The following PPP2R3C variants were observed in gnomAD, a reference collection of about 807,000 sequenced individuals.
PPP2R3C encodes the protein serine/threonine-protein phosphatase 2A regulatory subunit B'' subunit gamma.
A neutral mutation model predicts 63.7 loss-of-function variants in PPP2R3C; 47 were observed. The ratio of observed to expected loss-of-function variants is 0.74; its 90% confidence interval spans 0.58 to 0.94. The LOEUF is 0.94. PPP2R3C is among the 40% of genes least tolerant of loss of function. The pLI is 0.00. For synonymous variants in PPP2R3C, 180 were observed against 177.4 expected (o/e 1.01, Z -0.12); for missense variants, 421 against 518.4 (o/e 0.81, Z 1.82).
intron 6 of PPP2R3C, among the ~76,000 whole-genome samples, chr14:35,106,689 C>T (rs796534549): frequency 2.8e-5 from 3 of 106,872 alleles, no homozygotes; most frequent in African/African-American, 1.1e-4. Flanking sequence ...TTTTTTGAGA[C>T]GGAGTTTCAC....
chr14:35,117,142 A>C (rs1566428530), intron 1 of PPP2R3C: 1 of 455,904 alleles, frequency 2.2e-6, no homozygotes. Context: ...CCCTGACCTC[A>C]TGGAGTTTCA....
chr14:35,101,894 T>G (rs2046203352), intron 6 of PPP2R3C: 1 of 152,160 alleles, frequency 6.6e-6, no homozygotes. Flanking sequence ...TACTTTAACA[T>G]GGGCTTTGCC....
chr14:35,107,380 A>G lies in PPP2R3C; in HGVS notation c.503-6T>C, dbSNP rs781508305. On this transcript the variant is annotated splice_polypyrimidine_tract_variant and splice_region_variant and intron_variant, in intron 5 of 12. Transcript: ENST00000261475. ...TCTTGTTTGATGAAGCCAAACTGAC[A>G]ATAAACAAGAAAATGAAAGTAATTC... is the stretch of plus-strand genomic sequence containing the variant. The G allele has an allele frequency of 2.5e-6, 4 of 1,591,550 alleles. No individual in the cohort carries two copies. The highest frequency in any genetic ancestry group is 1.7e-4 in the Middle Eastern group (1 of 6,024).
At chr14:35,111,235 C>CAAAAAAAAAAA in intron 2 of PPP2R3C, among the ~76,000 whole-genome samples, 1 of 89,792 alleles carries the variant, frequency 1.1e-5, no homozygotes, top group Non-Finnish European at 2.2e-5. Flanking sequence ...CTCCATCTAC[C>CAAAAAAAAAAA]AAAAAAAAAA....
At chr14:35,105,150 AT>A (rs2046309173) in intron 6 of PPP2R3C, among the ~76,000 whole-genome samples, 1 of 151,832 alleles carries the variant, frequency 6.6e-6, no homozygotes, top group African/African-American at 2.4e-5. Flanking sequence ...TGATTTTTAA[AT>A]GTTAAAATGC....
At chr14:35,120,655 A>C (rs117106187) in intron 1 of PPP2R3C, among the ~76,000 whole-genome samples, 1 of 152,110 alleles carries the variant, frequency 6.6e-6, no homozygotes, top group East Asian at 1.9e-4. Context: ...GAATAGTGTA[A>C]AAGAGTGTTG....
intron 7 of PPP2R3C, 43 bp downstream of exon 7, chr14:35,099,209 T>C (rs1342046949): frequency 1.0e-5 from 15 of 1,480,464 alleles, no homozygotes; most frequent in South Asian, 5.5e-5. Flanking sequence ...TTAGATATAA[T>C]AATATCCTCA....
intron 6 of PPP2R3C, chr14:35,101,751 TTATC>T (rs985845421): frequency 6.6e-5 from 10 of 152,190 alleles, no homozygotes; most frequent in Non-Finnish European, 1.2e-4. Flanking sequence ...TTTTTATACA[TTATC>T]TATATCTTTG....
intron 1 of PPP2R3C, among the ~76,000 whole-genome samples, chr14:35,118,650 TTCC>T (rs1372119230): frequency 8.3e-6 from 1 of 120,688 alleles, no homozygotes; most frequent in Non-Finnish European, 1.7e-5. Flanking sequence ...TACAGGTACC[TTCC>T]TTTTTTTTTT....
At chr14:35,104,729 C>A (rs1202259000) in intron 6 of PPP2R3C, among the ~76,000 whole-genome samples, 2 of 152,068 alleles carry the variant, frequency 1.3e-5, no homozygotes, top group Non-Finnish European at 2.9e-5. Flanking sequence ...CATTCATTTT[C>A]TCTCTCATAT....
chr14:35,101,450 A>G (rs1258004031), intron 6 of PPP2R3C: 1 of 152,232 alleles, frequency 6.6e-6, no homozygotes, highest in Non-Finnish European at 1.5e-5. Context: ...AGAATGAAAT[A>G]AAAATATCTT....
chr14:35,091,329 A>G, intron 10 of PPP2R3C, 122 bp from the exon 11 acceptor site: 1 of 951,006 alleles, frequency 1.1e-6, no homozygotes, highest in Non-Finnish European at 1.5e-6. Flanking sequence ...TCCCTAAGTT[A>G]TGATATGAGA....
chr14:35,112,478 G>A (rs897082597), intron 2 of PPP2R3C, among the ~76,000 whole-genome samples: 3 of 152,060 alleles, frequency 2.0e-5, no homozygotes, highest in African/African-American at 7.2e-5. Context: ...TAAACCTTAC[G>A]TCAAAACTTG....
intron 11 of PPP2R3C, among the ~76,000 whole-genome samples, chr14:35,089,806 T>C (rs559062560): frequency 9.4e-4 from 142 of 151,362 alleles, no homozygotes; most frequent in Admixed American, 1.4e-3. Flanking sequence ...GCTGGGACTA[T>C]AGGCGCCCGC....
chr14:35,093,869 T>C (rs993248218), intron 10 of PPP2R3C, among the ~76,000 whole-genome samples: 1 of 152,122 alleles, frequency 6.6e-6, no homozygotes, highest in East Asian at 1.9e-4. Flanking sequence ...GCCAGGATGG[T>C]CTCCATCTCC....
intron 6 of PPP2R3C, 119 bp from the exon 7 acceptor site, chr14:35,099,503 CTATT>C: frequency 8.3e-7 from 1 of 1,209,080 alleles, no homozygotes; most frequent in Non-Finnish European, 1.1e-6. Flanking sequence ...AAATGCATGA[CTATT>C]TTAGTGGTAA....
intron 11 of PPP2R3C, among the ~76,000 whole-genome samples, chr14:35,090,471 A>ACT (rs2045770666): frequency 6.6e-6 from 1 of 151,956 alleles, no homozygotes; most frequent in Non-Finnish European, 1.5e-5. Flanking sequence ...TGATCATGCC[A>ACT]CTGCAGCCTG....
At chr14:35,119,190 AC>A (rs2046790358) in intron 1 of PPP2R3C, among the ~76,000 whole-genome samples, 1 of 151,992 alleles carries the variant, frequency 6.6e-6, no homozygotes, top group Non-Finnish European at 1.5e-5. Flanking sequence ...GGTGTGCACC[AC>A]TGCGCCCAGC....
intron 6 of PPP2R3C, among the ~76,000 whole-genome samples, chr14:35,105,073 G>C (rs750312769): frequency 4.6e-5 from 7 of 151,250 alleles, no homozygotes; most frequent in Non-Finnish European, 1.0e-4. Context: ...CGGGGGGGTG[G>C]AATTCTTGGC....
Sources: allele counts gnomAD v4.1 joint callset (sites outside exome capture counted in the v4.1 genomes callset), GRCh38; gene constraint gnomAD v4.1.1; transcripts MANE v1.5; gene names NCBI Gene and HGNC (gene_info 2026-07-23, HGNC 2026-07-21).